Variants in SLC7A1 observed in about 807,000 individuals in gnomAD.
The protein encoded by SLC7A1 is high affinity cationic amino acid transporter 1.
In SLC7A1, 10 loss-of-function variants were observed where a neutral mutation model predicts 53.9. That is an observed-to-expected ratio of 0.19 (90% CI 0.11 to 0.31). SLC7A1 has a LOEUF of 0.31. Ranked by LOEUF, SLC7A1 falls within the 10% of genes least tolerant of loss-of-function variation. The pLI, the probability that SLC7A1 is intolerant of heterozygous loss-of-function variation, is 1.00. For missense variants in SLC7A1, 525 were observed against 827.2 expected, an observed-to-expected ratio of 0.63 and a Z score of 4.48; for synonymous variants, 342 against 338.7, an observed-to-expected ratio of 1.01 and a Z score of -0.11.
At chr13:29,562,690 G>A (rs1325114418) in intron 1 of SLC7A1, among the ~76,000 whole-genome samples, 2 of 152,118 alleles carry the variant, frequency 1.3e-5, no homozygotes, top group Non-Finnish European at 2.9e-5. Flanking sequence ...ATCTGTCATG[G>A]TTCCACTGTT....
At chr13:29,594,010 G>A (rs922996823) in intron 1 of SLC7A1, among the ~76,000 whole-genome samples, 7 of 152,090 alleles carry the variant, frequency 4.6e-5, no homozygotes, top group African/African-American at 1.7e-4. Context: ...TTCTGTTCGT[G>A]TGACTTAAAT....
chr13:29,572,433 A>G (rs1871239122), intron 1 of SLC7A1, among the ~76,000 whole-genome samples: 1 of 152,200 alleles, frequency 6.6e-6, no homozygotes, highest in Non-Finnish European at 1.5e-5. Flanking sequence ...GGATGCTGGA[A>G]AGACAGAGGG....
intron 2 of SLC7A1, among the ~76,000 whole-genome samples, chr13:29,548,868 T>C (rs912307928): frequency 6.6e-6 from 1 of 152,250 alleles, no homozygotes; most frequent in Non-Finnish European, 1.5e-5. Context: ...ACGCAGTTCA[T>C]GTCATGCATA....
rs372011599 is a variant in SLC7A1 at position 29,523,453 on chromosome 13, C to T, written c.862G>A (p.Val288Met). Reference sequence around the variant, plus strand: ...ATCAAGAGGGACGCCACGATCCCCACGGGGATGGCCTTCTGTGGGTTCTTC... The same window carrying T: ...ATCAAGAGGGACGCCACGATCCCCATGGGGATGGCCTTCTGTGGGTTCTTC... ...EVKNPQKAIP[V>M]GIVASLLICF... Residue 288 changes from valine (V) to methionine (M), a missense_variant, in exon 7 of 13, where the codon GTG becomes ATG. Val to Met is a conservative substitution (Grantham distance 21). Coordinates refer to ENST00000380752, the MANE Select transcript of SLC7A1 (RefSeq NM_003045.5). 3.9e-5 allele frequency: 63 copies of T among 1,613,856 alleles called. No homozygotes were observed. In the South Asian group the frequency reaches 4.7e-4, roughly 12 times the overall value.
chr13:29,556,197 A>G lies in SLC7A1; in HGVS notation c.-114-2337T>C, dbSNP rs1039823172. 2.0e-5 allele frequency among the ~76,000 whole-genome samples: 3 copies of G among 152,316 alleles called. No homozygotes were observed. In the East Asian group the frequency reaches 5.8e-4, roughly 29 times the overall value. ...AAGCACATATATGAATCCAGCTGCC[A>G]TAAGCTAAACATTAAAGACACTGGC... On this transcript the variant is annotated intron_variant, in intron 1 of 12. Coordinates refer to ENST00000380752, the MANE Select transcript of SLC7A1 (RefSeq NM_003045.5).
At chr13:29,544,400 T>C (rs575664787) in intron 2 of SLC7A1, among the ~76,000 whole-genome samples, 1 of 152,324 alleles carries the variant, frequency 6.6e-6, no homozygotes, top group African/African-American at 2.4e-5. Context: ...GAGAAAACAA[T>C]AGTAATAACT....
intron 11 of SLC7A1, 99 bp downstream of exon 11, chr13:29,517,045 G>A: frequency 1.7e-6 from 2 of 1,208,808 alleles, no homozygotes; most frequent in Non-Finnish European, 2.3e-6. Flanking sequence ...ACCTTCCTCG[G>A]GAGCACCCAG....
chr13:29,553,072 C>G (rs569367196), intron 2 of SLC7A1, among the ~76,000 whole-genome samples: 1 of 152,190 alleles, frequency 6.6e-6, no homozygotes, highest in Non-Finnish European at 1.5e-5. Flanking sequence ...AACTCTCAAG[C>G]TGCAAGGAAC....
Position 29,564,328 on chromosome 13 carries a change from C to T in SLC7A1, c.-114-10468G>A, listed in dbSNP as rs147044425. ...TGCCTACGATGCACCAGTGCCCTCT[C>T]CTAAGGCACTTCTTCTTAAATGAGT... On this transcript the variant is annotated intron_variant, in intron 1 of 12. Transcript: ENST00000380752. Among the ~76,000 whole-genome samples the T allele has an allele frequency of 1.2e-3, 188 of 152,330 alleles. 5 individuals are homozygous for T. In the East Asian group the frequency reaches 0.031, roughly 25 times the overall value.
At chr13:29,594,651 C>A (rs1872235551) in intron 1 of SLC7A1, among the ~76,000 whole-genome samples, 1 of 152,238 alleles carries the variant, frequency 6.6e-6, no homozygotes, top group Non-Finnish European at 1.5e-5. Flanking sequence ...GAAGAACTTC[C>A]TCTCATTCCA....
At chr13:29,527,090 A>T (rs1196785359) in intron 5 of SLC7A1, among the ~76,000 whole-genome samples, 1 of 142,148 alleles carries the variant, frequency 7.0e-6, no homozygotes, top group African/African-American at 2.6e-5. Context: ...AAAAAAAAAA[A>T]TCTGCAGGGC....
At position 29,575,040 on chromosome 13, in the gene SLC7A1, A is replaced by G. The variant is rs1258496410; in HGVS notation, c.-115+20376T>C. On this transcript the variant is annotated intron_variant, in intron 1 of 12. Transcript: ENST00000380752. ...TATCTGTCCTGGGCCCAAACCAAAC[A>G]AATGAACAAAAACACCTGTTCTACC... Among the ~76,000 whole-genome samples, 4 of 152,218 alleles carry G rather than the reference A, an allele frequency of 2.6e-5. No individual in the cohort carries two copies. In the East Asian group the frequency reaches 5.8e-4, roughly 22 times the overall value.
intron 12 of SLC7A1, 117 bp downstream of exon 12, chr13:29,516,021 C>A: frequency 1.6e-6 from 1 of 623,844 alleles, no homozygotes; most frequent in Non-Finnish European, 2.9e-6. Context: ...AGGGATTCAG[C>A]ATTATCTTCG....
Position 29,550,316 on chromosome 13 carries a change from T to C in SLC7A1, c.-15+3445A>G, listed in dbSNP as rs377028427. ...AGGGTAAATGAGTCCTGTGGGGCTGTGACCCTGTAGAAGACTTAAAATCAG... is the reference window on the plus strand; with the variant it reads ...AGGGTAAATGAGTCCTGTGGGGCTGCGACCCTGTAGAAGACTTAAAATCAG... On this transcript the variant is annotated intron_variant, in intron 2 of 12. Coordinates refer to ENST00000380752, the MANE Select transcript of SLC7A1 (RefSeq NM_003045.5). Among the ~76,000 whole-genome samples the C allele has an allele frequency of 1.1e-4, 17 of 152,280 alleles. No homozygotes were observed. The East Asian group carries it at 1.5e-3, about 14-fold the overall frequency.
chr13:29,586,778 A>G (rs901587860), intron 1 of SLC7A1: 1 of 152,274 alleles, frequency 6.6e-6, no homozygotes, highest in Non-Finnish European at 1.5e-5. Flanking sequence ...TCACATCCAC[A>G]CCACTGGCCA....
rs548661280 is a variant in SLC7A1, at chr13:29,544,131, G to T, written c.-14-7929C>A. On this transcript the variant is annotated intron_variant, in intron 2 of 12. Coordinates refer to ENST00000380752, the MANE Select transcript of SLC7A1 (RefSeq NM_003045.5). ...AACCCACAGGCCGAAAGTAGACAATGCTGTCTCAGGAAGGAACCCAGTGCG... is the reference window on the plus strand; with the variant it reads ...AACCCACAGGCCGAAAGTAGACAATTCTGTCTCAGGAAGGAACCCAGTGCG... 2.0e-5 allele frequency among the ~76,000 whole-genome samples: 3 copies of T among 152,326 alleles called. No individual in the cohort carries two copies. The East Asian group carries it at 5.8e-4, about 29-fold the overall frequency.
intron 2 of SLC7A1, 53 bp downstream of exon 2, chr13:29,553,708 G>C (rs1026808952): frequency 1.3e-5 from 2 of 152,196 alleles, no homozygotes; most frequent in African/African-American, 2.4e-5. Context: ...ACATATTCTA[G>C]TACAAAACAG....
chr13:29,555,115 T>C (rs930504227), intron 1 of SLC7A1, among the ~76,000 whole-genome samples: 3 of 151,624 alleles, frequency 2.0e-5, no homozygotes, highest in African/African-American at 4.8e-5. Flanking sequence ...TCCCAGCACT[T>C]TGGGAGGCCG....
intron 7 of SLC7A1, among the ~76,000 whole-genome samples, chr13:29,522,959 G>A (rs999065524): frequency 6.6e-6 from 1 of 152,158 alleles, no homozygotes; most frequent in African/African-American, 2.4e-5. Flanking sequence ...GCCAAAATAT[G>A]GTGTTCAAAC....
Sources: allele counts gnomAD v4.1 joint callset (sites outside exome capture counted in the v4.1 genomes callset), GRCh38; gene constraint gnomAD v4.1.1; transcripts MANE v1.5; gene names NCBI Gene and HGNC (gene_info 2026-07-23, HGNC 2026-07-21).